The following CSMD3 variants were observed in gnomAD, a reference collection of about 807,000 sequenced individuals.
The protein encoded by CSMD3 is CUB and sushi domain-containing protein 3.
In CSMD3, 177 loss-of-function variants were observed where a neutral mutation model predicts 435.2. The observed-to-expected ratio is 0.41, with a 90% confidence interval of 0.36 to 0.46. CSMD3 has a LOEUF of 0.46. CSMD3 is among the 20% of genes least tolerant of loss of function. CSMD3 has a pLI of 0.34. For synonymous variants in CSMD3, 1,656 were observed against 1,520.5 expected, an observed-to-expected ratio of 1.09 and a Z score of -2.07; for missense variants, 4,265 against 4,504.6, an observed-to-expected ratio of 0.95 and a Z score of 1.52.
chr8:112,707,068 A>G (rs371313869), intron 13 of CSMD3, among the ~76,000 whole-genome samples: 5 of 152,192 alleles, frequency 3.3e-5, no homozygotes, highest in African/African-American at 1.2e-4. Flanking sequence ...GGATAGATCA[A>G]TATTTTTTGA....
chr8:112,576,880 C>T lies in CSMD3; in HGVS notation c.3886-3223G>A, dbSNP rs1829988213. Among the ~76,000 whole-genome samples the T allele has an allele frequency of 2.6e-5, 3 of 114,446 alleles. No individual in the cohort carries two copies. In the Admixed American group the frequency reaches 2.9e-4, roughly 11 times the overall value. 75.1% of individuals were successfully genotyped at this position (114,446 alleles called of 152,430 possible). ...TATGAAAGAAGCTTTTTATAAGACACATTAAAAAAATAATCATTTAAAGAA... is the reference window on the plus strand; with the variant it reads ...TATGAAAGAAGCTTTTTATAAGACATATTAAAAAAATAATCATTTAAAGAA... On this transcript the variant is annotated intron_variant, in intron 23 of 70. Transcript: ENST00000297405.
intron 13 of CSMD3, among the ~76,000 whole-genome samples, chr8:112,698,928 G>A (rs796167087): frequency 1.3e-5 from 2 of 152,152 alleles, no homozygotes; most frequent in African/African-American, 4.8e-5. Context: ...CTGTAAAAAC[G>A]CACCAATCAG....
intron 4 of CSMD3, among the ~76,000 whole-genome samples, chr8:113,125,114 A>G (rs919520796): frequency 6.6e-6 from 1 of 151,916 alleles, no homozygotes; most frequent in Non-Finnish European, 1.5e-5. Context: ...TAAAGTTCTC[A>G]TTATTCTTCA....
chr8:113,012,135 C>G (rs544599249), intron 6 of CSMD3, among the ~76,000 whole-genome samples: 1 of 151,722 alleles, frequency 6.6e-6, no homozygotes, highest in Non-Finnish European at 1.5e-5. Flanking sequence ...AAATTCTGTT[C>G]TCTTAAAACT....
chr8:112,391,379 T>C (rs1017005015), intron 35 of CSMD3, among the ~76,000 whole-genome samples: 3 of 152,120 alleles, frequency 2.0e-5, no homozygotes, highest in African/African-American at 7.2e-5. Flanking sequence ...CATTAAGAGA[T>C]TGTCTTGCCC....
At chr8:112,830,823 GTCAC>G (rs1414967166) in intron 11 of CSMD3, among the ~76,000 whole-genome samples, 1 of 126,768 alleles carries the variant, frequency 7.9e-6, no homozygotes, top group Middle Eastern at 5.3e-3. Flanking sequence ...GTCTTGCTCT[GTCAC>G]TCAGGCTAGA....
intron 28 of CSMD3, among the ~76,000 whole-genome samples, chr8:112,507,672 T>G (rs996435866): frequency 3.9e-5 from 6 of 152,292 alleles, no homozygotes; most frequent in African/African-American, 1.4e-4. Context: ...GAAATTAAAT[T>G]TTTTTGTCCT....
chr8:112,754,420 G>C (rs535422344), intron 13 of CSMD3, among the ~76,000 whole-genome samples: 19 of 152,026 alleles, frequency 1.2e-4, no homozygotes, highest in Non-Finnish European at 2.8e-4. Flanking sequence ...CCCTGATTTG[G>C]AGAAAATCAT....
At chr8:112,733,916 T>C (rs903209016) in intron 13 of CSMD3, among the ~76,000 whole-genome samples, 1 of 152,026 alleles carries the variant, frequency 6.6e-6, no homozygotes, top group African/African-American at 2.4e-5. Flanking sequence ...ACTTAATTAA[T>C]TTCTCCAGAG....
chr8:112,771,086 A>G (rs1178294769), intron 13 of CSMD3, among the ~76,000 whole-genome samples: 2 of 152,128 alleles, frequency 1.3e-5, no homozygotes, highest in African/African-American at 4.8e-5. Context: ...TATACCTTCA[A>G]CATTAATTGG....
At chr8:112,576,313 C>A (rs1358201260) in intron 23 of CSMD3, among the ~76,000 whole-genome samples, 4 of 151,852 alleles carry the variant, frequency 2.6e-5, no homozygotes, top group African/African-American at 7.3e-5. Context: ...TTACTTGATA[C>A]ATATAAATTT....
intron 43 of CSMD3, 114 bp from the exon 44 acceptor site, chr8:112,336,943 GT>G: frequency 1.1e-6 from 1 of 870,970 alleles, no homozygotes; most frequent in Non-Finnish European, 1.9e-6. Flanking sequence ...TTTATGCCTT[GT>G]TTTTACTTCA....
chr8:113,263,437 AAAGAAAACATCATATCC>A (rs2093443152), intron 3 of CSMD3, among the ~76,000 whole-genome samples: 1 of 151,952 alleles, frequency 6.6e-6, no homozygotes, highest in Non-Finnish European at 1.5e-5. Flanking sequence ...TTTCCTGACA[AAAGAAAACATCATATCC>A]TTCAAAATGT....
intron 13 of CSMD3, among the ~76,000 whole-genome samples, chr8:112,720,803 T>A (rs767869026): frequency 6.6e-6 from 1 of 152,208 alleles, no homozygotes; most frequent in Non-Finnish European, 1.5e-5. Context: ...ACAGATAATA[T>A]TCTAAGATAA....
chr8:113,179,991 A>T (rs1295352442), intron 3 of CSMD3, among the ~76,000 whole-genome samples: 2 of 151,912 alleles, frequency 1.3e-5, no homozygotes, highest in Non-Finnish European at 2.9e-5. Context: ...TAAAAAAGGG[A>T]TAACAGACAT....
At chr8:112,727,581 TTTTAA>T (rs2076992562) in intron 13 of CSMD3, among the ~76,000 whole-genome samples, 1 of 151,778 alleles carries the variant, frequency 6.6e-6, no homozygotes, top group African/African-American at 2.4e-5. Flanking sequence ...GCAAATTGGC[TTTTAA>T]AAAATACTGA....
chr8:112,310,886 A>T, intron 50 of CSMD3, 92 bp downstream of exon 50: 1 of 1,040,412 alleles, frequency 9.6e-7, no homozygotes, highest in Non-Finnish European at 1.5e-6. Context: ...GAATATTTCC[A>T]TTCTCAGAAA....
At chr8:112,280,816 G>A (rs1439089800) in intron 59 of CSMD3, among the ~76,000 whole-genome samples, 2 of 152,006 alleles carry the variant, frequency 1.3e-5, no homozygotes, top group Non-Finnish European at 2.9e-5. Flanking sequence ...AATCAATTTT[G>A]TTATTAATAT....
At chr8:113,293,794 G>A (rs1387303538) in intron 2 of CSMD3, among the ~76,000 whole-genome samples, 3 of 151,802 alleles carry the variant, frequency 2.0e-5, no homozygotes, top group Non-Finnish European at 2.9e-5. Flanking sequence ...CTATTTATGG[G>A]TAGAAAATAA....
Sources: gnomAD v4.1 joint callset for allele counts (sites outside exome capture counted in the v4.1 genomes callset) on GRCh38, gnomAD v4.1.1 for gene constraint, MANE v1.5 for transcripts, NCBI Gene and HGNC (gene_info 2026-07-23, HGNC 2026-07-21) for gene names.